Variants in F5 observed in about 807,000 individuals in gnomAD.
F5 encodes the protein coagulation factor V.
In F5, 138 loss-of-function variants were observed where a neutral mutation model predicts 216.4. The ratio of observed to expected loss-of-function variants is 0.64; its 90% CI spans 0.56 to 0.73. The LOEUF is 0.73. Ranked by LOEUF, F5 falls within the 30% of genes least tolerant of loss-of-function variation. The pLI, the probability that F5 is intolerant of heterozygous loss-of-function variation, is 0.00. For synonymous variants in F5, 916 were observed against 930.7 expected (o/e 0.98, Z 0.29); for missense variants, 2,403 against 2,674.0 (o/e 0.90, Z 2.24).
intron 10 of F5, among the ~76,000 whole-genome samples, chr1:169,549,084 T>G (rs10919189): frequency 0.064 from 9,806 of 152,276 alleles, 454 homozygotes; most frequent in Admixed American, 0.11. Flanking sequence ...AATCAGGATC[T>G]TCCATATGTC....
chr1:169,535,557 G>A (rs1286652591), intron 14 of F5, among the ~76,000 whole-genome samples: 1 of 152,100 alleles, frequency 6.6e-6, no homozygotes, highest in Non-Finnish European at 1.5e-5. Context: ...AGTCTCCAAT[G>A]TCCATTATAC....
intron 14 of F5, among the ~76,000 whole-genome samples, chr1:169,532,731 C>T (rs1379738328): frequency 6.6e-6 from 1 of 152,028 alleles, no homozygotes; most frequent in East Asian, 1.9e-4. Flanking sequence ...TCATAGATGA[C>T]ACAAACAAAT....
At chr1:169,520,828 G>A (rs1418946108) in intron 21 of F5, among the ~76,000 whole-genome samples, 164 bp from the exon 22 acceptor site, 1 of 152,120 alleles carries the variant, frequency 6.6e-6, no homozygotes, top group African/African-American at 2.4e-5. Context: ...GTTCCAGGAA[G>A]ATTGTATATA....
chr1:169,570,621 T>C (rs1571597614), intron 3 of F5, among the ~76,000 whole-genome samples: 1 of 152,286 alleles, frequency 6.6e-6, no homozygotes, highest in East Asian at 1.9e-4. Context: ...AGGTAGTTCA[T>C]TGACCTATTA....
At position 169,514,060 on chromosome 1, in the gene F5, C is replaced by A. The variant is rs1659097792; in HGVS notation, c.*253G>T. 2.1e-6 allele frequency: 1 copy of A among 469,288 alleles called. No homozygotes were observed. The highest frequency in any genetic ancestry group is 3.7e-5 in the Admixed American group (1 of 27,366). The allele number at this position is 469,288 out of a possible 1,614,324, so 29.1% of individuals were successfully genotyped here. ...ATTTTCAATCATTAAGAAAGATAAG[C>A]CCTTTTCTTGTTGGTTCTTGATATT... On this transcript the variant is annotated 3_prime_UTR_variant, in exon 25 of 25. Coordinates refer to ENST00000367797, the MANE Select transcript of F5 (RefSeq NM_000130.5).
In F5 at chr1:169,530,851, G is replaced by A. The variant is rs746405100; in HGVS notation, c.5143C>T (p.Arg1715Ter). The A allele has an allele frequency of 8.1e-6, 13 of 1,613,776 alleles. No homozygotes were observed. In the African/African-American group the frequency reaches 1.3e-4, roughly 17 times the overall value. ...GAGCCAGGACTTTCTGGCCCTGATC[G>A]CTCAGTGGCATGCCATACGTAGGTA... is the stretch of plus-strand genomic sequence containing the variant. ...SYTYVWHATERSGPESPGSAC... is the reference protein window; with the variant it reads ...SYTYVWHATE The change falls in exon 15 of 25, where the codon CGA becomes TGA. Residue 1715 changes from arginine (R) to a stop codon, truncating the protein, a stop_gained. Coordinates refer to ENST00000367797, the MANE Select transcript of F5 (RefSeq NM_000130.5). LOFTEE classifies it high-confidence loss of function.
At position 169,560,576 on chromosome 1, in the gene F5, C is replaced by G. The variant is rs1557573; in HGVS notation, c.564G>C (p.Gly188=). The change falls in exon 4 of 25, where the codon GGG becomes GGC. Residue 188 remains glycine, a synonymous_variant. Coordinates refer to ENST00000367797, the MANE Select transcript of F5 (RefSeq NM_000130.5). The stretch of plus-strand genomic sequence containing the variant: ...TACCTTTTTTACAGATAAGCAGGGG[C>G]CCAATCAGCCCCGAGTTGAAATCCT... ...LIEDFNSGLI[G]PLLICKKGTL... is the part of the protein sequence containing the mutation. The G allele has an allele frequency of 6.4e-3, 10,404 of 1,613,510 alleles. 499 individuals are homozygous for G. The African/African-American group carries it at 0.11, about 18-fold the overall frequency.
chr1:169,516,996 C>T (rs1659174052), intron 23 of F5, among the ~76,000 whole-genome samples: 1 of 152,038 alleles, frequency 6.6e-6, no homozygotes, highest in Non-Finnish European at 1.5e-5. Flanking sequence ...ATGAACAAGT[C>T]TAAAGAGTCA....
chr1:169,539,913 A>G (rs953335329), intron 13 of F5, among the ~76,000 whole-genome samples: 2 of 152,224 alleles, frequency 1.3e-5, no homozygotes, highest in Admixed American at 1.3e-4. Context: ...GGAGATTTCT[A>G]CATCATATTT....
chr1:169,551,338 T>G (rs1354157093), intron 8 of F5, among the ~76,000 whole-genome samples: 1 of 152,162 alleles, frequency 6.6e-6, no homozygotes, highest in Non-Finnish European at 1.5e-5. Flanking sequence ...TAGTCCCAGC[T>G]ACTTGAGAGG....
At chr1:169,524,479 G>A (rs562854846) in intron 19 of F5, among the ~76,000 whole-genome samples, 66 of 152,316 alleles carry the variant, frequency 4.3e-4, no homozygotes, top group African/African-American at 1.5e-3. Context: ...TGGGCGCGTG[G>A]TCATAAGAGT....
chr1:169,530,724 T>G, intron 15 of F5, 62 bp downstream of exon 15: 8 of 1,398,466 alleles, frequency 5.7e-6, no homozygotes, highest in Non-Finnish European at 8.1e-6. Flanking sequence ...GACTCTTCCA[T>G]TTGGTGGACT....
rs115882472 is a variant in F5, at chr1:169,513,950, A to C, written c.*363T>G. Among the ~76,000 whole-genome samples the C allele has an allele frequency of 1.7e-3, 262 of 152,282 alleles. No homozygotes were observed. The highest frequency in any genetic ancestry group is 6.1e-3 in the African/African-American group (254 of 41,578). On this transcript the variant is annotated 3_prime_UTR_variant, in exon 25 of 25. Coordinates refer to ENST00000367797, the MANE Select transcript of F5 (RefSeq NM_000130.5). ...TATCCAGGTCTATCAATTATTATTT[A>C]AAGTAATATCTGTTTTACTAGTGTG...
chr1:169,562,272 G>A (rs1660500996), intron 3 of F5, among the ~76,000 whole-genome samples: 1 of 151,990 alleles, frequency 6.6e-6, no homozygotes, highest in African/African-American at 2.4e-5. Context: ...TCATATCAAT[G>A]GAATCATCAT....
chr1:169,555,268 C>T lies in F5; in HGVS notation c.1032G>A (p.Arg344=). The change falls in exon 7 of 25, where the codon AGG becomes AGA. Residue 344 remains arginine, a synonymous_variant. Coordinates refer to ENST00000367797, the MANE Select transcript of F5 (RefSeq NM_000130.5). ...AGTATTCCCACCTCTTCATGTGCCGCCTCTGCTCACGAGTTATTTTCTTAA... is the reference window on the plus strand; with the variant it reads ...AGTATTCCCACCTCTTCATGTGCCGTCTCTGCTCACGAGTTATTTTCTTAA... ...RNLKKITREQ[R]RHMKRWEYFI... 3.1e-6 allele frequency: 5 copies of T among 1,614,108 alleles called. No homozygotes were observed. The highest frequency in any genetic ancestry group is 4.2e-6 in the Non-Finnish European group (5 of 1,180,010).
chr1:169,535,824 T>C (rs981711493), intron 14 of F5, among the ~76,000 whole-genome samples: 1 of 152,214 alleles, frequency 6.6e-6, no homozygotes, highest in African/African-American at 2.4e-5. Context: ...AAATGGTCAC[T>C]GAAAATGTAG....
rs1659067161 is a variant in F5 at position 169,513,028 on chromosome 1, T to C, written c.*1285A>G. On this transcript the variant is annotated 3_prime_UTR_variant, in exon 25 of 25. Transcript: ENST00000367797. Reference sequence around the variant, plus strand: ...TGCCTTAATTTCATTATTTACCCAGTAGTCATTCAGGAGCAGGTTGTTCAG... The same window carrying C: ...TGCCTTAATTTCATTATTTACCCAGCAGTCATTCAGGAGCAGGTTGTTCAG... Among the ~76,000 whole-genome samples the C allele has an allele frequency of 6.6e-6, 1 of 152,122 alleles. No individual in the cohort carries two copies.
chr1:169,550,301 G>A (rs1388284581), intron 9 of F5, among the ~76,000 whole-genome samples: 7 of 13,292 alleles, frequency 5.3e-4, no homozygotes, highest in Middle Eastern at 0.033. Flanking sequence ...CCCCCCCCCC[G>A]ACAGGCCCCG....
chr1:169,560,632 G>A lies in F5; in HGVS notation c.508C>T (p.His170Tyr). 1 of 1,613,784 alleles carries A rather than the reference G, an allele frequency of 6.2e-7. No individual in the cohort carries two copies. The highest frequency in any genetic ancestry group is 8.5e-7 in the Non-Finnish European group (1 of 1,179,808). ...PTHDDPPCLT[H>Y]IYYSHENLIE... Reference sequence around the variant, plus strand: ...AGATTTTCATGGGAGTAATAGATGTGTGTGAGGCATGGAGGGTCATCATGG... The same window carrying A: ...AGATTTTCATGGGAGTAATAGATGTATGTGAGGCATGGAGGGTCATCATGG... Residue 170 changes from histidine (H) to tyrosine (Y), a missense_variant, in exon 4 of 25, where the codon CAC becomes TAC. Around this residue, in one of 4 missense-constraint regions of F5, gnomAD observed 1,425 missense variants for 1,554.8 expected, o/e 0.92. Transcript: ENST00000367797.
Sources: gnomAD v4.1 joint callset for allele counts (sites outside exome capture counted in the v4.1 genomes callset) on GRCh38, gnomAD v4.1.1 for gene constraint, gnomAD v4.1.1 regional missense constraint, MANE v1.5 for transcripts, NCBI Gene and HGNC (gene_info 2026-07-23, HGNC 2026-07-21) for gene names.